CYP19A1: variants seen among roughly 807,000 people sequenced by gnomAD.
CYP19A1 encodes the protein cytochrome P450 family 19 subfamily A member 1, also known as aromatase.
In CYP19A1, 32 loss-of-function variants were observed where a neutral mutation model predicts 44.4. The ratio of observed to expected loss-of-function variants is 0.72; its 90% CI spans 0.54 to 0.97. CYP19A1 has a LOEUF of 0.97. Ranked by LOEUF, CYP19A1 falls within the 50% of genes least tolerant of loss-of-function variation. CYP19A1 has a pLI of 0.00. For synonymous variants in CYP19A1, 212 were observed against 215.6 expected, an observed-to-expected ratio of 0.98 and a Z score of 0.14; for missense variants, 598 against 637.8, an observed-to-expected ratio of 0.94 and a Z score of 0.67.
chr15:51,239,828 A>G (rs993184688), intron 2 of CYP19A1, among the ~76,000 whole-genome samples: 5 of 152,168 alleles, frequency 3.3e-5, no homozygotes, highest in Admixed American at 3.3e-4. Context: ...TATCTTAAGA[A>G]AAAGAGGAAT....
At chr15:51,319,744 C>T (rs866582101) in intron 1 of CYP19A1, among the ~76,000 whole-genome samples, 3 of 152,320 alleles carry the variant, frequency 2.0e-5, no homozygotes, top group Middle Eastern at 3.4e-3. Flanking sequence ...CCTATGTAGC[C>T]CTGCACGTGT....
At chr15:51,275,913 T>C (rs2035291558) in intron 1 of CYP19A1, among the ~76,000 whole-genome samples, 1 of 152,190 alleles carries the variant, frequency 6.6e-6, no homozygotes, top group South Asian at 2.1e-4. Flanking sequence ...CTAGCTGCTG[T>C]GTCCCCCCGG....
chr15:51,251,453 A>G (rs981761257), intron 1 of CYP19A1, among the ~76,000 whole-genome samples: 7 of 152,120 alleles, frequency 4.6e-5, no homozygotes, highest in African/African-American at 1.4e-4. Flanking sequence ...GAAACAGGGA[A>G]TGTCTGTCAA....
intron 1 of CYP19A1, among the ~76,000 whole-genome samples, chr15:51,331,056 G>A (rs1470392106): frequency 1.3e-5 from 2 of 152,096 alleles, no homozygotes; most frequent in Non-Finnish European, 1.5e-5. Flanking sequence ...TTTTGGAGTT[G>A]TAAGGAGACC....
intron 1 of CYP19A1, among the ~76,000 whole-genome samples, chr15:51,335,490 C>T (rs2036762336): frequency 1.3e-5 from 2 of 152,134 alleles, no homozygotes; most frequent in Non-Finnish European, 2.9e-5. Context: ...ATACAAAAAC[C>T]CCTACTAGTA....
intron 4 of CYP19A1, among the ~76,000 whole-genome samples, chr15:51,227,424 T>C (rs2032669420): frequency 2.0e-5 from 3 of 152,092 alleles, no homozygotes; most frequent in Non-Finnish European, 2.9e-5. Context: ...CCCAGCACTT[T>C]GGGAGGCCGA....
chr15:51,242,302 G>A (rs923133228), intron 2 of CYP19A1: 9 of 205,098 alleles, frequency 4.4e-5, no homozygotes, highest in African/African-American at 1.9e-4. Flanking sequence ...AGAAAATGAT[G>A]AGTGGAATAA....
chr15:51,296,162 G>A (rs2035991620), intron 1 of CYP19A1, among the ~76,000 whole-genome samples: 1 of 151,962 alleles, frequency 6.6e-6, no homozygotes, highest in Admixed American at 6.6e-5. Flanking sequence ...GCAGAGGCAG[G>A]CAAGTCAGTT....
At chr15:51,335,985 G>C (rs1041369261) in intron 1 of CYP19A1, among the ~76,000 whole-genome samples, 9 of 152,180 alleles carry the variant, frequency 5.9e-5, no homozygotes, top group African/African-American at 2.2e-4. Context: ...TGAACGTGTT[G>C]TTCCTCCTCT....
intron 1 of CYP19A1, among the ~76,000 whole-genome samples, chr15:51,284,984 G>GAAA: frequency 6.6e-6 from 1 of 152,078 alleles, no homozygotes; most frequent in African/African-American, 2.4e-5. Flanking sequence ...TATTAGAAGG[G>GAAA]GCCTGTTTCT....
intron 1 of CYP19A1, among the ~76,000 whole-genome samples, chr15:51,334,921 C>T (rs2036754082): frequency 6.6e-6 from 1 of 152,232 alleles, no homozygotes. Context: ...AGCCCAGTCA[C>T]TCTGGCCTGA....
intron 1 of CYP19A1, among the ~76,000 whole-genome samples, chr15:51,324,108 C>A (rs1301728441): frequency 6.6e-6 from 1 of 152,114 alleles, no homozygotes; most frequent in Non-Finnish European, 1.5e-5. Flanking sequence ...AAAGACTGGG[C>A]AGTGTGATGA....
chr15:51,294,651 C>CAGCCAGCCGCCGCGTCT (rs1457971632), intron 1 of CYP19A1, among the ~76,000 whole-genome samples: 10,084 of 110,712 alleles, frequency 0.091, 1,931 homozygotes, highest in African/African-American at 0.3. Context: ...GCCCCCCGCC[C>CAGCCAGCCGCCGCGTCT]GGCCAGCCGC....
intron 1 of CYP19A1, chr15:51,321,614 T>G (rs1004982): frequency 6.6e-6 from 1 of 152,050 alleles, no homozygotes; most frequent in African/African-American, 2.4e-5. Flanking sequence ...TGTAGATGAT[T>G]TTTTAAGGTC....
chr15:51,218,371 T>A, intron 6 of CYP19A1, 170 bp downstream of exon 6: 2 of 1,050,714 alleles, frequency 1.9e-6, no homozygotes, highest in Non-Finnish European at 2.6e-6. Flanking sequence ...TCTGGCCAAA[T>A]GCAGCCAAAT....
chr15:51,334,543 G>A (rs138346434), intron 1 of CYP19A1, among the ~76,000 whole-genome samples: 4 of 152,292 alleles, frequency 2.6e-5, no homozygotes, highest in African/African-American at 9.6e-5. Flanking sequence ...TCAAATTCAT[G>A]AGCCATTCTC....
rs28638229 is a variant in CYP19A1 at position 51,225,001 on chromosome 15, C to G, written c.452-2476G>C. 1.2e-3 allele frequency among the ~76,000 whole-genome samples: 190 copies of G among 152,306 alleles called. 1 individual carries two copies. Among genetic ancestry groups the G allele is most frequent in the African/African-American group, 4.4e-3 (184 of 41,556 alleles). ...TTCATTTAAAACTCATTATAAGCAT[C>G]CATTCCTCTGAAAAGTCTCCCCTGC... On this transcript the variant is annotated intron_variant, in intron 4 of 9. Coordinates refer to ENST00000396402, the MANE Select transcript of CYP19A1 (RefSeq NM_000103.4).
chr15:51,215,336 A>T, intron 7 of CYP19A1, 104 bp from the exon 8 acceptor site: 1 of 1,535,504 alleles, frequency 6.5e-7, no homozygotes, highest in Non-Finnish European at 8.9e-7. Context: ...AAATGAAATC[A>T]TAGAAACCAC....
intron 1 of CYP19A1, among the ~76,000 whole-genome samples, chr15:51,315,551 G>C (rs1341738948): frequency 6.6e-6 from 1 of 152,168 alleles, no homozygotes; most frequent in East Asian, 1.9e-4. Context: ...TGTATACCCA[G>C]TTATATGGTT....
Sources: allele counts gnomAD v4.1 joint callset (sites outside exome capture counted in the v4.1 genomes callset), GRCh38; gene constraint gnomAD v4.1.1; transcripts MANE v1.5; gene names NCBI Gene and HGNC (gene_info 2026-07-23, HGNC 2026-07-21).